The following CES5A variants were observed in gnomAD, a reference collection of about 807,000 sequenced individuals.
The protein encoded by CES5A is carboxylesterase 5A.
CES5A carries 67 observed loss-of-function variants against 62.9 expected under a neutral mutation model. The observed-to-expected ratio is 1.07, with a 90% confidence interval of 0.88 to 1.31. CES5A has a LOEUF of 1.31. Ranked by LOEUF, CES5A falls within the 50% of genes most tolerant of loss-of-function variation. The pLI is 0.00. For missense variants in CES5A, 748 were observed against 708.5 expected (o/e 1.06, Z -0.63); for synonymous variants, 296 against 280.8 (o/e 1.05, Z -0.54).
At chr16:55,874,058 A>G (rs1182890392) in intron 1 of CES5A, 21 bp from the exon 2 acceptor site, 2 of 1,576,602 alleles carry the variant, frequency 1.3e-6, no homozygotes, top group South Asian at 2.3e-5. Flanking sequence ...ACATGGGAGG[A>G]ATCAGGAGCA....
chr16:55,879,548 C>A (rs899587661), upstream of CES5A, among the ~76,000 whole-genome samples: 5 of 152,150 alleles, frequency 3.3e-5, no homozygotes, highest in African/African-American at 1.2e-4. Context: ...CACTGCACCC[C>A]CATCACTATA....
chr16:55,869,513 G>T, intron 4 of CES5A, 98 bp downstream of exon 4: 2 of 1,449,276 alleles, frequency 1.4e-6, no homozygotes, highest in Non-Finnish European at 1.8e-6. Flanking sequence ...TCATTGTCCC[G>T]GAAGGCTCGC....
Position 55,846,643 on chromosome 16 carries a change from A to G in CES5A, c.1536T>C (p.Tyr512=). ...NGNDLSLWPA[Y]NLTEQYLQLD... Reference sequence around the variant, plus strand: ...GCTGGAGGTACTGCTCAGTCAGATTATAAGCTGGCCACAGAGACAGGTCGT... The same window carrying G: ...GCTGGAGGTACTGCTCAGTCAGATTGTAAGCTGGCCACAGAGACAGGTCGT... Residue 512 remains tyrosine, a synonymous_variant, in exon 13 of 13, where the codon TAT becomes TAC. Coordinates refer to ENST00000290567, the MANE Select transcript of CES5A (RefSeq NM_001143685.2). The G allele has an allele frequency of 6.2e-7, 1 of 1,614,162 alleles. No individual in the cohort carries two copies. The highest frequency in any genetic ancestry group is 1.1e-5 in the South Asian group (1 of 91,088).
At chr16:55,948,880 T>C (rs1167445969) in intron 2 of CES5A, among the ~76,000 whole-genome samples, 2 of 152,200 alleles carry the variant, frequency 1.3e-5, no homozygotes, top group Non-Finnish European at 2.9e-5. Flanking sequence ...TCCAAGATTT[T>C]TGTCTTGACT....
At chr16:55,917,732 G>A (rs2034161806) in intron 1 of CES5A, among the ~76,000 whole-genome samples, 1 of 152,044 alleles carries the variant, frequency 6.6e-6, no homozygotes, top group South Asian at 2.1e-4. Context: ...CTAGAAGTGA[G>A]TCATTAAATC....
chr16:55,873,818 C>T lies in CES5A; in HGVS notation c.278+15G>A, dbSNP rs367572027. On this transcript the variant is annotated intron_variant, in intron 2 of 12. Coordinates refer to ENST00000290567, the MANE Select transcript of CES5A (RefSeq NM_001143685.2). ...CAGAGTCACAAACCACCCGTGGGCC[C>T]GAACCTGGTCTTACAAATTAGGGTA... 2.0e-5 allele frequency: 32 copies of T among 1,606,110 alleles called. No homozygotes were observed. The highest frequency in any genetic ancestry group is 1.6e-4 in the South Asian group (14 of 89,462).
At chr16:55,903,764 A>G (rs1191953540) in intron 1 of CES5A, among the ~76,000 whole-genome samples, 1 of 152,234 alleles carries the variant, frequency 6.6e-6, no homozygotes, top group Non-Finnish European at 1.5e-5. Context: ...TCCTCTTTAC[A>G]GACCTTTTAC....
intron 6 of CES5A, 23 bp from the exon 7 acceptor site, chr16:55,861,539 G>A (rs765546174): frequency 6.6e-7 from 1 of 1,517,314 alleles, no homozygotes; most frequent in Non-Finnish European, 9.2e-7. Context: ...GAAGGACCGG[G>A]TTAGAGCATG....
intron 4 of CES5A, among the ~76,000 whole-genome samples, chr16:55,867,515 C>T (rs2033489446): frequency 1.3e-5 from 2 of 152,188 alleles, no homozygotes; most frequent in Non-Finnish European, 1.5e-5. Flanking sequence ...CCCTGGGTCC[C>T]CTCCACTGTC....
At chr16:55,927,159 A>C (rs1055253133), upstream of CES5A, among the ~76,000 whole-genome samples, 21 of 152,346 alleles carry the variant, frequency 1.4e-4, no homozygotes, top group Admixed American at 1.4e-3. Context: ...AACCAGAAAA[A>C]TCTGAGAAGA....
At chr16:55,851,609 A>C (rs141734916) in intron 10 of CES5A, among the ~76,000 whole-genome samples, 385 of 152,328 alleles carry the variant, frequency 2.5e-3, no homozygotes, top group South Asian at 0.023. Flanking sequence ...AAAGAAATTA[A>C]ACATAGCATT....
intron 1 of CES5A, among the ~76,000 whole-genome samples, chr16:55,952,214 T>A (rs2142489075): frequency 6.6e-6 from 1 of 152,252 alleles, no homozygotes; most frequent in East Asian, 1.9e-4. Flanking sequence ...AAAAAAGTAT[T>A]ACTATTTAGA....
In CES5A at chr16:55,948,455, G is replaced by T. The variant is rs537230576; in HGVS notation, c.160+1330C>A. ...GAAGTCGAATATAAATTCATCTCGG[G>T]GTAGGCGGTGGAAGGGGGGTAAAAT... On this transcript the variant is annotated intron_variant, in intron 2 of 13. Coordinates refer to the CES5A transcript ENST00000521992. Among the ~76,000 whole-genome samples, 9 of 152,176 alleles carry T rather than the reference G, an allele frequency of 5.9e-5. No homozygotes were observed. The South Asian group carries it at 6.3e-4, about 11-fold the overall frequency.
upstream of CES5A, among the ~76,000 whole-genome samples, chr16:55,926,293 C>A (rs1051384691): frequency 6.6e-6 from 1 of 152,104 alleles, no homozygotes; most frequent in South Asian, 2.1e-4. Context: ...GGCAATAAAT[C>A]TGTTCATTGT....
intron 1 of CES5A, among the ~76,000 whole-genome samples, chr16:55,922,531 C>G (rs997071244): frequency 3.3e-5 from 5 of 151,844 alleles, no homozygotes; most frequent in African/African-American, 9.7e-5. Flanking sequence ...TACCAGAGCT[C>G]CCAAAGTATA....
chr16:55,861,475 G>A lies in CES5A; in HGVS notation c.852C>T (p.Asp284=). The A allele has an allele frequency of 6.2e-7, 1 of 1,613,946 alleles. No individual in the cohort carries two copies. The highest frequency in any genetic ancestry group is 1.7e-5 in the Admixed American group (1 of 60,018). ...TCAGGCACCTCAGCAGGGCCTCAGAGTCTGACGCATTGTTACCACAGAAAT... is the reference window on the plus strand; with the variant it reads ...TCAGGCACCTCAGCAGGGCCTCAGAATCTGACGCATTGTTACCACAGAAAT... ...VAHFCGNNAS[D]SEALLRCLRT... The change falls in exon 7 of 13, where the codon GAC becomes GAT. Residue 284 remains aspartate, a synonymous_variant. Transcript: ENST00000290567.
chr16:55,929,197 C>G (rs16955885), upstream of CES5A, among the ~76,000 whole-genome samples: 6 of 152,192 alleles, frequency 3.9e-5, no homozygotes, highest in Non-Finnish European at 7.3e-5. Context: ...GGGAGCACAT[C>G]AGAGTAGCCC....
chr16:55,873,931 G>C lies in CES5A; in HGVS notation c.180C>G (p.Val60=), dbSNP rs146515925. 3 of 1,613,856 alleles carry C rather than the reference G, an allele frequency of 1.9e-6. No homozygotes were observed. The East Asian group carries it at 6.7e-5, about 36-fold the overall frequency. Residue 60 remains valine, a synonymous_variant, in exon 2 of 13, where the codon GTC becomes GTG. Coordinates refer to ENST00000290567, the MANE Select transcript of CES5A (RefSeq NM_001143685.2). ...SPVPVNVFLG[V]PFAAPPLGSL... ...ATCCCAGCGGGGGAGCAGCAAAGGG[G>C]ACTCCGAGGAACACGTTCACAGGCA...
upstream of CES5A, among the ~76,000 whole-genome samples, chr16:55,876,517 G>A (rs2033695894): frequency 6.6e-6 from 1 of 152,228 alleles, no homozygotes; most frequent in Non-Finnish European, 1.5e-5. Context: ...CAGAGGTAGG[G>A]AAAGCATGTG....
Sources: gnomAD v4.1 joint callset for allele counts (sites outside exome capture counted in the v4.1 genomes callset) on GRCh38, gnomAD v4.1.1 for gene constraint, MANE v1.5 for transcripts, NCBI Gene and HGNC (gene_info 2026-07-23, HGNC 2026-07-21) for gene names.